The following MRE11 variants were observed in gnomAD, a reference collection of about 807,000 sequenced individuals.
MRE11 encodes the protein double-strand break repair protein MRE11.
MRE11 carries 62 observed loss-of-function variants against 91.7 expected under a neutral mutation model. That is an observed-to-expected ratio of 0.68 (90% CI 0.55 to 0.84). MRE11 has a LOEUF of 0.84. Among genes scored for constraint, MRE11 ranks in the 40% least tolerant of loss-of-function variants. The pLI, the probability that MRE11 is intolerant of heterozygous loss-of-function variation, is 0.00. For missense variants in MRE11, 796 were observed against 852.9 expected (o/e 0.93, Z 0.83); for synonymous variants, 273 against 271.4 (o/e 1.01, Z -0.06).
Position 94,467,814 on chromosome 11 carries a change from C to T in MRE11, c.1097G>A (p.Arg366Gln), listed in dbSNP as rs773968042. The T allele has an allele frequency of 1.1e-5, 18 of 1,608,494 alleles. No homozygotes were observed. Among genetic ancestry groups the T allele is most frequent in the Non-Finnish European group, 9.4e-6 (11 of 1,175,370 alleles). Residue 366 changes from arginine (R) to glutamine (Q), a missense_variant and splice_region_variant, in exon 10 of 20, where the codon CGA becomes CAA. By Grantham distance (43) the Arg-to-Gln change is conservative (BLOSUM62 1). Coordinates refer to ENST00000323929, the MANE Select transcript of MRE11 (RefSeq NM_005591.4). ...HQPEKPLVRL[R>Q]VDYSGGFEPF... ...TCAATCTATATAAATAGGACTTACT[C>T]GCAGTCGTACAAGAGGCTTCTCTGG...
chr11:94,436,838 G>A (rs930268291), intron 17 of MRE11, among the ~76,000 whole-genome samples: 3 of 152,142 alleles, frequency 2.0e-5, no homozygotes, highest in Non-Finnish European at 4.4e-5. Flanking sequence ...GTAACAAAAG[G>A]AAATCCAGCA....
At chr11:94,458,181 A>G (rs1312726568) in intron 13 of MRE11, among the ~76,000 whole-genome samples, 1 of 150,346 alleles carries the variant, frequency 6.7e-6, no homozygotes, top group South Asian at 2.1e-4. Flanking sequence ...TAAGGGAATG[A>G]GTTTTTTTTT....
intron 15 of MRE11, among the ~76,000 whole-genome samples, chr11:94,446,884 C>G (rs1945947042): frequency 6.6e-6 from 1 of 152,152 alleles, no homozygotes; most frequent in Admixed American, 6.5e-5. Context: ...TTTTCTTTAA[C>G]AACTCATATT....
At chr11:94,496,876 G>C, upstream of MRE11, 2 of 1,613,622 alleles carry the variant, frequency 1.2e-6, no homozygotes, top group Non-Finnish European at 1.7e-6. Flanking sequence ...AAAATGAAGA[G>C]TGGTATCGAT....
chr11:94,447,396 A>T lies in MRE11; in HGVS notation c.1606T>A (p.Ser536Thr). Residue 536 changes from serine (S) to threonine (T), a missense_variant, in exon 15 of 20, where the codon TCT (serine) becomes ACT (threonine). Transcript: ENST00000323929. ...TCATCAGCACTAAAGGCAGAAGCAG[A>T]CTCCTCTGACTGAGATCTGAGTGCT... Reference protein sequence around the residue: ...ARALRSQSEESASAFSADDLM... With the variant: ...ARALRSQSEETASAFSADDLM... The T allele has an allele frequency of 6.2e-7, 1 of 1,613,894 alleles. No homozygotes were observed. The highest frequency in any genetic ancestry group is 8.5e-7 in the Non-Finnish European group (1 of 1,179,946).
intron 11 of MRE11, among the ~76,000 whole-genome samples, chr11:94,463,594 T>C (rs1591679392): frequency 6.6e-6 from 1 of 152,150 alleles, no homozygotes. Flanking sequence ...TGGAATACTA[T>C]GCAGCCATAA....
At chr11:94,438,929 G>A (rs888613262) in intron 16 of MRE11, among the ~76,000 whole-genome samples, 3 of 152,164 alleles carry the variant, frequency 2.0e-5, no homozygotes, top group African/African-American at 7.2e-5. Flanking sequence ...AGTAGCAGCA[G>A]TGGTACCCAT....
intron 8 of MRE11, 51 bp downstream of exon 8, chr11:94,471,523 T>C (rs1383716050): frequency 1.3e-6 from 2 of 1,566,016 alleles, no homozygotes; most frequent in East Asian, 2.2e-5. Flanking sequence ...AGATGATTAG[T>C]TATTATAGCA....
At chr11:94,474,669 T>C (rs1398723811) in intron 7 of MRE11, among the ~76,000 whole-genome samples, 2 of 152,154 alleles carry the variant, frequency 1.3e-5, no homozygotes, top group Non-Finnish European at 2.9e-5. Flanking sequence ...TATTTATTAA[T>C]TGAAAAGTAG....
At chr11:94,496,519 T>C (rs1947420526), upstream of MRE11, 1 of 579,702 alleles carries the variant, frequency 1.7e-6, no homozygotes, top group East Asian at 2.9e-5. Context: ...CAGGGTTTAA[T>C]TGTATATGTT....
At chr11:94,472,381 G>A (rs538088769) in intron 7 of MRE11, among the ~76,000 whole-genome samples, 7 of 152,182 alleles carry the variant, frequency 4.6e-5, no homozygotes, top group Middle Eastern at 3.4e-3. Context: ...CATCATTGGA[G>A]ATTCAAGTAA....
chr11:94,486,528 C>T (rs1338860117), intron 3 of MRE11, among the ~76,000 whole-genome samples: 1 of 152,098 alleles, frequency 6.6e-6, no homozygotes, highest in Non-Finnish European at 1.5e-5. Context: ...TCATTAAATA[C>T]TGACTCTATG....
chr11:94,495,122 A>G (rs1246031865), upstream of MRE11, among the ~76,000 whole-genome samples: 1 of 152,212 alleles, frequency 6.6e-6, no homozygotes, highest in Admixed American at 6.5e-5. Context: ...GTTACTGGAC[A>G]TGAGTAATAC....
chr11:94,482,379 C>T (rs1159220002), intron 4 of MRE11, among the ~76,000 whole-genome samples: 4 of 152,152 alleles, frequency 2.6e-5, no homozygotes, highest in Admixed American at 2.6e-4. Context: ...AATCACTATG[C>T]TAAACTTTCT....
chr11:94,429,315 A>G (rs1945402705), intron 19 of MRE11, among the ~76,000 whole-genome samples: 2 of 152,240 alleles, frequency 1.3e-5, no homozygotes, highest in Admixed American at 6.5e-5. Context: ...GATTTGACCC[A>G]GCAATCCCAT....
chr11:94,504,090 C>T, the MRE11 span, among the ~76,000 whole-genome samples: 146 of 152,178 alleles, frequency 9.6e-4, no homozygotes, highest in African/African-American at 3.1e-3. Context: ...TTCTTGGTCA[C>T]GGGGACAGAG....
chr11:94,445,422 G>T (rs1219810714), intron 16 of MRE11, among the ~76,000 whole-genome samples: 1 of 152,222 alleles, frequency 6.6e-6, no homozygotes, highest in Non-Finnish European at 1.5e-5. Context: ...TGATTCTCCT[G>T]CCTCAGCCTC....
intron 16 of MRE11, among the ~76,000 whole-genome samples, chr11:94,438,869 T>C (rs868559809): frequency 6.6e-6 from 1 of 152,178 alleles, no homozygotes; most frequent in Non-Finnish European, 1.5e-5. Flanking sequence ...AGGAAGTGTC[T>C]AGCAGATAGA....
At chr11:94,477,226 CAT>C (rs1301291167) in intron 6 of MRE11, among the ~76,000 whole-genome samples, 4 of 152,150 alleles carry the variant, frequency 2.6e-5, no homozygotes, top group African/African-American at 7.2e-5. Flanking sequence ...TACATTATAA[CAT>C]GTGCAGAAAT....
Sources: gnomAD v4.1 joint callset for allele counts (sites outside exome capture counted in the v4.1 genomes callset) on GRCh38, gnomAD v4.1.1 for gene constraint, MANE v1.5 for transcripts, NCBI Gene and HGNC (gene_info 2026-07-23, HGNC 2026-07-21) for gene names.